Variants in SAMD5 observed in about 807,000 individuals in gnomAD.
SAMD5 encodes sterile alpha motif domain-containing protein 5.
In SAMD5, 13 loss-of-function variants were observed where a neutral mutation model predicts 11.3. That is an observed-to-expected ratio of 1.15 (90% CI 0.75 to 1.83). The LOEUF (loss-of-function observed/expected upper bound fraction) is 1.83. Ranked by LOEUF, SAMD5 falls within the 40% of genes most tolerant of loss-of-function variation. The pLI is 0.00. For synonymous variants in SAMD5, 129 were observed against 111.3 expected, an observed-to-expected ratio of 1.16 and a Z score of -1.00; for missense variants, 255 against 239.1, an observed-to-expected ratio of 1.07 and a Z score of -0.44.
chr6:147,901,219 A>G, the SAMD5 span, among the ~76,000 whole-genome samples: 1 of 152,378 alleles, frequency 6.6e-6, no homozygotes, highest in African/African-American at 2.4e-5. Context: ...AATAATGCCT[A>G]GCCCACAGTA....
At chr6:147,624,699 C>T (rs1790024857) in intron 1 of SAMD5, among the ~76,000 whole-genome samples, 1 of 151,940 alleles carries the variant, frequency 6.6e-6, no homozygotes, top group South Asian at 2.1e-4. Flanking sequence ...AAACATGATA[C>T]AATGGACTTT....
At chr6:147,745,336 GA>G in the SAMD5 span, among the ~76,000 whole-genome samples, 2 of 151,860 alleles carry the variant, frequency 1.3e-5, no homozygotes, top group Non-Finnish European at 2.9e-5. Context: ...TTTCCATAGT[GA>G]AAAAAAATTT....
At chr6:147,819,214 A>T in the SAMD5 span, among the ~76,000 whole-genome samples, 1 of 152,206 alleles carries the variant, frequency 6.6e-6, no homozygotes, top group Admixed American at 6.5e-5. Flanking sequence ...ATCCTTAGCA[A>T]ACTAACACAG....
the SAMD5 span, among the ~76,000 whole-genome samples, chr6:147,879,496 G>A: frequency 4.1e-4 from 63 of 152,272 alleles, no homozygotes; most frequent in East Asian, 8.3e-3. Flanking sequence ...GCCTTCCATG[G>A]GAAAATGATG....
At chr6:147,697,718 A>C (rs1382388825) in intron 1 of SAMD5, among the ~76,000 whole-genome samples, 1 of 152,202 alleles carries the variant, frequency 6.6e-6, no homozygotes, top group East Asian at 1.9e-4. Flanking sequence ...AACAATCATG[A>C]TGAATGAGAG....
intron 1 of SAMD5, among the ~76,000 whole-genome samples, chr6:147,724,819 A>T (rs1791603101): frequency 6.6e-6 from 1 of 152,164 alleles, no homozygotes. Context: ...TTTCTTAAAG[A>T]CTTCTCATAT....
intron 1 of SAMD5, among the ~76,000 whole-genome samples, chr6:147,690,898 C>G (rs1052097758): frequency 6.6e-6 from 1 of 151,542 alleles, no homozygotes; most frequent in African/African-American, 2.4e-5. Flanking sequence ...AGGGTTTAAC[C>G]CAGAATAAGT....
the SAMD5 span, among the ~76,000 whole-genome samples, chr6:147,788,521 G>T: frequency 6.6e-6 from 1 of 152,062 alleles, no homozygotes; most frequent in Non-Finnish European, 1.5e-5. Context: ...TTTAAATATA[G>T]AAACACATCT....
the SAMD5 span, among the ~76,000 whole-genome samples, chr6:147,932,588 T>TTGTGTGTG: frequency 1.8e-4 from 23 of 131,172 alleles, no homozygotes; most frequent in Middle Eastern, 4.1e-3. Flanking sequence ...TCTTACAGAA[T>TTGTGTGTG]TGTGTGTGTG....
intron 1 of SAMD5, among the ~76,000 whole-genome samples, chr6:147,610,079 A>G (rs1195668008): frequency 6.6e-6 from 1 of 152,198 alleles, no homozygotes; most frequent in Non-Finnish European, 1.5e-5. Flanking sequence ...TCTATAAACA[A>G]TGAACATAAT....
the SAMD5 span, among the ~76,000 whole-genome samples, chr6:147,827,169 T>C: frequency 1.1e-4 from 17 of 152,298 alleles, no homozygotes; most frequent in African/African-American, 3.8e-4. Flanking sequence ...AAATAGAGAT[T>C]ACTTTGTCTG....
chr6:147,886,485 G>T, the SAMD5 span, among the ~76,000 whole-genome samples: 36,901 of 151,940 alleles, frequency 0.24, 4,564 homozygotes, highest in Non-Finnish European at 0.28. Context: ...CTGCCTCTTG[G>T]TGGTCCTGCC....
the SAMD5 span, among the ~76,000 whole-genome samples, chr6:147,798,540 T>G: frequency 2.0e-5 from 3 of 151,740 alleles, no homozygotes; most frequent in Non-Finnish European, 2.9e-5. Flanking sequence ...AAAATGTATA[T>G]TCTGTTGATT....
At chr6:147,816,052 G>C in the SAMD5 span, among the ~76,000 whole-genome samples, 2 of 151,746 alleles carry the variant, frequency 1.3e-5, no homozygotes, top group Admixed American at 1.3e-4. Context: ...GGCCAAACGG[G>C]CAGATCACCT....
intron 1 of SAMD5, among the ~76,000 whole-genome samples, chr6:147,674,136 GA>G (rs1162409784): frequency 2.0e-5 from 3 of 152,148 alleles, no homozygotes; most frequent in Non-Finnish European, 4.4e-5. Flanking sequence ...AGAAAAGGGG[GA>G]CAGGGGCTGT....
the SAMD5 span, among the ~76,000 whole-genome samples, chr6:147,845,476 T>C: frequency 6.6e-6 from 1 of 152,124 alleles, no homozygotes; most frequent in Admixed American, 6.6e-5. Context: ...GTGAAAACTT[T>C]TATAAATTTC....
chr6:147,593,181 T>C (rs1469485894), intron 1 of SAMD5, among the ~76,000 whole-genome samples: 1 of 152,180 alleles, frequency 6.6e-6, no homozygotes, highest in African/African-American at 2.4e-5. Context: ...TTTATTCATT[T>C]TACTGAACAT....
chr6:147,618,843 A>T (rs1789914555), intron 1 of SAMD5, among the ~76,000 whole-genome samples: 1 of 152,216 alleles, frequency 6.6e-6, no homozygotes, highest in Admixed American at 6.5e-5. Context: ...TAGGAGATTC[A>T]TCTCTTCAAA....
At chr6:147,540,818 C>A (rs546361558) in intron 1 of SAMD5, among the ~76,000 whole-genome samples, 1 of 151,878 alleles carries the variant, frequency 6.6e-6, no homozygotes, top group South Asian at 2.1e-4. Context: ...ATTTCTTACC[C>A]TTTTTTGCCA....
Sources: allele counts gnomAD v4.1 joint callset (sites outside exome capture counted in the v4.1 genomes callset), GRCh38; gene constraint gnomAD v4.1.1; transcripts MANE v1.5; gene names NCBI Gene and HGNC (gene_info 2026-07-23, HGNC 2026-07-21).